Variants in UTRN observed in about 807,000 individuals in gnomAD.
UTRN encodes utrophin, also known as dystrophin-related protein 1.
In UTRN, 283 loss-of-function variants were observed where a neutral mutation model predicts 463.9. The observed-to-expected ratio is 0.61, with a 90% CI of 0.55 to 0.67. The LOEUF is 0.67. Among genes scored for constraint, UTRN ranks in the 30% least tolerant of loss-of-function variants. UTRN has a pLI of 0.00. For synonymous variants in UTRN, 1,442 were observed against 1,431.5 expected, an observed-to-expected ratio of 1.01 and a Z score of -0.17; for missense variants, 3,922 against 4,084.3, an observed-to-expected ratio of 0.96 and a Z score of 1.08.
Position 144,827,639 on chromosome 6 carries a change from G to A in UTRN, c.9562G>A (p.Asp3188Asn). 6.2e-7 allele frequency: 1 copy of A among 1,613,448 alleles called. No individual in the cohort carries two copies. The highest frequency in any genetic ancestry group is 8.5e-7 in the Non-Finnish European group (1 of 1,179,694). Residue 3188 changes from aspartate (D) to asparagine (N), a missense_variant, in exon 68 of 75, where the codon GAT (aspartate) becomes AAT (asparagine). Transcript: ENST00000367545. ...CTCACAATCTCCTCAACTGTTTCAT[G>A]ATGACACCCATTCAAGAATAGAACA... ...DPSQSPQLFH[D>N]DTHSRIEQYA...
At chr6:144,677,947 T>C (rs1781813009) in intron 51 of UTRN, among the ~76,000 whole-genome samples, 1 of 152,214 alleles carries the variant, frequency 6.6e-6, no homozygotes, top group Non-Finnish European at 1.5e-5. Flanking sequence ...TTGATGGGGT[T>C]GTTTGCTTTT....
intron 61 of UTRN, 114 bp from the exon 62 acceptor site, chr6:144,789,080 A>T: frequency 2.4e-6 from 2 of 819,812 alleles, no homozygotes; most frequent in Non-Finnish European, 1.9e-6. Flanking sequence ...TTGCATCTTT[A>T]AGATACAATT....
intron 39 of UTRN, among the ~76,000 whole-genome samples, chr6:144,517,392 A>G (rs1219352985): frequency 6.7e-6 from 1 of 149,962 alleles, no homozygotes; most frequent in Non-Finnish European, 1.5e-5. Context: ...AAGATGGGGT[A>G]TCTCTATGTT....
At chr6:144,494,315 T>C (rs10457760) in intron 33 of UTRN, among the ~76,000 whole-genome samples, 8,961 of 152,144 alleles carry the variant, frequency 0.059, 684 homozygotes, top group African/African-American at 0.17. Context: ...TGCAGACCTT[T>C]GCAGTGAGTG....
At chr6:144,468,842 A>G (rs1790210619) in intron 23 of UTRN, among the ~76,000 whole-genome samples, 1 of 152,216 alleles carries the variant, frequency 6.6e-6, no homozygotes, top group South Asian at 2.1e-4. Flanking sequence ...AACATCTGCT[A>G]CAGGTTGATT....
intron 2 of UTRN, among the ~76,000 whole-genome samples, chr6:144,330,136 T>G (rs1362476257): frequency 6.6e-6 from 1 of 152,196 alleles, no homozygotes; most frequent in Non-Finnish European, 1.5e-5. Context: ...AGGAATCTAT[T>G]CAAGTCCATA....
At chr6:144,623,465 C>G (rs1215994892) in intron 51 of UTRN, among the ~76,000 whole-genome samples, 3 of 152,128 alleles carry the variant, frequency 2.0e-5, no homozygotes, top group Non-Finnish European at 4.4e-5. Context: ...GTACTTGTTA[C>G]TCTTAACTAC....
At chr6:144,426,190 A>C in intron 6 of UTRN, 97 bp from the exon 7 acceptor site, 1 of 1,425,132 alleles carries the variant, frequency 7.0e-7, no homozygotes, top group Non-Finnish European at 9.5e-7. Flanking sequence ...ATAATGGTTA[A>C]TTAGTGCAAT....
intron 51 of UTRN, among the ~76,000 whole-genome samples, chr6:144,589,084 A>G (rs1802751909): frequency 6.6e-6 from 1 of 152,258 alleles, no homozygotes; most frequent in African/African-American, 2.4e-5. Flanking sequence ...TGCTTAATAA[A>G]TAATAGGCTT....
chr6:144,543,520 C>T (rs534212911), intron 46 of UTRN, among the ~76,000 whole-genome samples: 64 of 152,270 alleles, frequency 4.2e-4, no homozygotes, highest in African/African-American at 1.0e-3. Context: ...CTGGCAAAAC[C>T]GCAAATGTGA....
At chr6:144,642,752 A>G (rs1250491480) in intron 51 of UTRN, among the ~76,000 whole-genome samples, 1 of 152,158 alleles carries the variant, frequency 6.6e-6, no homozygotes, top group Non-Finnish European at 1.5e-5. Context: ...TTTTGACTAT[A>G]TAGTCTTCCC....
chr6:144,561,262 CAT>C (rs201109542), intron 50 of UTRN, among the ~76,000 whole-genome samples: 4,979 of 80,856 alleles, frequency 0.062, 300 homozygotes, highest in East Asian at 0.11. Context: ...TATATATATA[CAT>C]ACACACACAC....
At chr6:144,701,017 C>T (rs755182417) in intron 53 of UTRN, among the ~76,000 whole-genome samples, 2 of 152,176 alleles carry the variant, frequency 1.3e-5, no homozygotes, top group African/African-American at 4.8e-5. Context: ...AGAGATTCTC[C>T]TGCCTCAGCC....
chr6:144,712,007 AT>A (rs1017327790), intron 53 of UTRN, among the ~76,000 whole-genome samples: 2 of 151,930 alleles, frequency 1.3e-5, no homozygotes, highest in Admixed American at 6.6e-5. Context: ...GTGTGGTAGA[AT>A]TTTTTTTCCC....
At chr6:144,631,378 A>C (rs549438221) in intron 51 of UTRN, among the ~76,000 whole-genome samples, 1 of 152,052 alleles carries the variant, frequency 6.6e-6, no homozygotes, top group Non-Finnish European at 1.5e-5. Flanking sequence ...AGGATATCTT[A>C]TTGTATAGCT....
At chr6:144,816,226 G>T (rs185663653) in intron 65 of UTRN, among the ~76,000 whole-genome samples, 114 of 152,338 alleles carry the variant, frequency 7.5e-4, no homozygotes, top group African/African-American at 2.7e-3. Flanking sequence ...GAAATGGCAG[G>T]TGTGGAGGAG....
chr6:144,708,246 C>T (rs1211214321), intron 53 of UTRN: 5 of 633,078 alleles, frequency 7.9e-6, no homozygotes, highest in Admixed American at 2.1e-5. Context: ...GGTAATTCTG[C>T]GATTGCTTCA....
At chr6:144,682,551 A>C (rs536726716) in intron 52 of UTRN, among the ~76,000 whole-genome samples, 1 of 152,026 alleles carries the variant, frequency 6.6e-6, no homozygotes, top group East Asian at 1.9e-4. Context: ...TTTTTGTGGA[A>C]CCTCCAAACT....
In UTRN at chr6:144,291,885, T is replaced by A; in HGVS notation, c.57T>A (p.Ser19Arg). 1 of 1,613,166 alleles carries A rather than the reference T, an allele frequency of 6.2e-7. No individual in the cohort carries two copies. The highest frequency in any genetic ancestry group is 2.2e-5 in the East Asian group (1 of 44,776). ...ASPDNGQNEF[S>R]DIIKSRSDEH... is the part of the protein sequence containing the mutation. ...CTGACAATGGGCAGAACGAATTCAGTGATATCATTAAGTCCAGATCTGGTA... is the reference window on the plus strand; with the variant it reads ...CTGACAATGGGCAGAACGAATTCAGAGATATCATTAAGTCCAGATCTGGTA... Residue 19 changes from serine to arginine, a missense_variant, in exon 2 of 75, where the codon AGT (serine) becomes AGA (arginine). Ser to Arg is a moderately radical substitution (Grantham distance 110). Around this residue, in one of 3 missense-constraint regions of UTRN, gnomAD observed 264 missense variants for 327.9 expected, o/e 0.81. Transcript: ENST00000367545.
Sources: allele counts gnomAD v4.1 joint callset (sites outside exome capture counted in the v4.1 genomes callset), GRCh38; gene constraint gnomAD v4.1.1; regional missense constraint gnomAD v4.1.1; transcripts MANE v1.5; gene names NCBI Gene and HGNC (gene_info 2026-07-23, HGNC 2026-07-21).